The following SORL1 variants were observed in gnomAD, a reference collection of about 807,000 sequenced individuals.
The protein encoded by SORL1 is sortilin-related receptor.
In SORL1, 127 loss-of-function variants were observed where a neutral mutation model predicts 273.7. The ratio of observed to expected loss-of-function variants is 0.46; its 90% CI spans 0.40 to 0.54. SORL1 has a LOEUF of 0.54. Among genes scored for constraint, SORL1 ranks in the 20% least tolerant of loss-of-function variants. The probability of loss-of-function intolerance (pLI) is 0.00; values close to 1 mark genes in which losing one functional copy is unlikely to be tolerated. For synonymous variants in SORL1, 1,031 were observed against 1,067.4 expected, an observed-to-expected ratio of 0.97 and a Z score of 0.66; for missense variants, 2,494 against 2,846.1, an observed-to-expected ratio of 0.88 and a Z score of 2.81.
intron 1 of SORL1, among the ~76,000 whole-genome samples, chr11:121,456,545 C>T (rs1419891488): frequency 6.6e-6 from 1 of 152,202 alleles, no homozygotes; most frequent in Admixed American, 6.5e-5. Context: ...ATGCAAGCGG[C>T]ATGGCCTACA....
chr11:121,583,314 C>A, intron 25 of SORL1, 144 bp from the exon 26 acceptor site: 3 of 955,984 alleles, frequency 3.1e-6, no homozygotes, highest in South Asian at 2.3e-5. Context: ...GTGCCCAATT[C>A]TCAGCCAAGG....
At chr11:121,589,959 TGGA>T in intron 29 of SORL1, 78 bp from the exon 30 acceptor site, 1 of 1,540,686 alleles carries the variant, frequency 6.5e-7, no homozygotes, top group South Asian at 1.2e-5. Context: ...AACTTGGGTC[TGGA>T]GGAGGATGCC....
rs1209027159 is a variant in SORL1, at chr11:121,605,485, C to T, written c.4862C>T (p.Thr1621Ile). 2 of 1,614,032 alleles carry T rather than the reference C, an allele frequency of 1.2e-6. No homozygotes were observed. The highest frequency in any genetic ancestry group is 1.7e-5 in the Admixed American group (1 of 60,018). ...NTVLKVLKPD[T>I]TYQVKVQVQC... ...GTATTAAAAGTCTTGAAACCAGATACCACGTATCAGGTTAAAGTACAGGTT... is the reference window on the plus strand; with the variant it reads ...GTATTAAAAGTCTTGAAACCAGATATCACGTATCAGGTTAAAGTACAGGTT... Residue 1621 changes from threonine (T) to isoleucine (I), a missense_variant, in exon 35 of 48, where the codon ACC becomes ATC. Thr to Ile is a moderately conservative substitution (Grantham distance 89). Coordinates refer to ENST00000260197, the MANE Select transcript of SORL1 (RefSeq NM_003105.6).
chr11:121,489,070 G>A (rs1861515025), intron 4 of SORL1, among the ~76,000 whole-genome samples: 1 of 152,072 alleles, frequency 6.6e-6, no homozygotes, highest in African/African-American at 2.4e-5. Context: ...GGAAGTTGAG[G>A]GGCTTTGGCA....
rs932454692 is a variant in SORL1 at position 121,478,126 on chromosome 11, G to A, written c.411G>A (p.Val137=). ...LARPKSSDVY[V]SYDYGKSFKK... is the part of the protein sequence containing the mutation. ...TTTTCTCTGTATTCCAGGTGTACGT[G>A]TCTTACGACTATGGAAAATCATTCA... Residue 137 remains valine (V), a synonymous_variant, in exon 3 of 48, where the codon GTG becomes GTA. Coordinates refer to ENST00000260197, the MANE Select transcript of SORL1 (RefSeq NM_003105.6). The A allele has an allele frequency of 6.2e-7, 1 of 1,611,908 alleles. No individual in the cohort carries two copies. Among genetic ancestry groups the A allele is most frequent in the African/African-American group, 1.3e-5 (1 of 74,530 alleles).
intron 14 of SORL1, among the ~76,000 whole-genome samples, chr11:121,548,126 A>C (rs955938973): frequency 6.6e-6 from 1 of 152,198 alleles, no homozygotes; most frequent in Admixed American, 6.5e-5. Flanking sequence ...GTGTAGATAC[A>C]TACACACATA....
chr11:121,576,091 T>C (rs1242030011), intron 24 of SORL1, among the ~76,000 whole-genome samples: 7 of 152,236 alleles, frequency 4.6e-5, no homozygotes, highest in Non-Finnish European at 7.3e-5. Flanking sequence ...GCTTGGCTGC[T>C]CCTGTTTTCT....
Position 121,627,397 on chromosome 11 carries a change from A to G in SORL1, c.6365-158A>G. 1.6e-6 allele frequency: 1 copy of G among 639,582 alleles called. No homozygotes were observed. The highest frequency in any genetic ancestry group is 2.8e-6 in the Non-Finnish European group (1 of 359,228). 39.6% of individuals were successfully genotyped at this position (639,582 alleles called of 1,614,324 possible). A position where few individuals can be genotyped will look rare whatever the true frequency, so the allele number is the denominator to read the frequency against. On this transcript the variant is annotated intron_variant, in intron 46 of 47. Transcript: ENST00000260197. This position sits in a 1 kb window ranked among gnomAD's most constrained non-coding sequence, Gnocchi z 4.9. The stretch of plus-strand genomic sequence containing the variant: ...CATGGCAAGTAGTGGGGAAGCAATC[A>G]GGCATCACGCACATGCAGAAACGTC...
At chr11:121,539,441 T>C (rs1862312877) in intron 12 of SORL1, among the ~76,000 whole-genome samples, 1 of 152,238 alleles carries the variant, frequency 6.6e-6, no homozygotes, top group South Asian at 2.1e-4. Context: ...ATCTTTGTTC[T>C]TCATAATTCT....
chr11:121,457,977 T>C (rs1389697810), intron 1 of SORL1, among the ~76,000 whole-genome samples: 1 of 152,242 alleles, frequency 6.6e-6, no homozygotes, highest in African/African-American at 2.4e-5. Context: ...CAGATTTTGG[T>C]CTGTTCCTCC....
In SORL1 at chr11:121,631,197, T is replaced by G. The variant is rs1445865673; in HGVS notation, c.*1634T>G. On this transcript the variant is annotated 3_prime_UTR_variant, in exon 48 of 48. Coordinates refer to ENST00000260197, the MANE Select transcript of SORL1 (RefSeq NM_003105.6). ...GTTTAGAAAACAAAGAAAGAGCCAA[T>G]TAAATTTTTTAGTTTTTGAAATTTT... 6.6e-6 allele frequency: 1 copy of G among 152,246 alleles called. No homozygotes were observed. The highest frequency in any genetic ancestry group is 1.5e-5 in the Non-Finnish European group (1 of 68,054). 9.4% of individuals were successfully genotyped at this position (152,246 alleles called of 1,614,324 possible).
chr11:121,487,279 C>G (rs564657208), intron 3 of SORL1, among the ~76,000 whole-genome samples: 34 of 152,212 alleles, frequency 2.2e-4, no homozygotes, highest in African/African-American at 8.0e-4. Context: ...GCGTCTGGTC[C>G]GTGGTGGGAA....
At position 121,529,673 on chromosome 11, in the gene SORL1, C is replaced by T. The variant is rs974546102; in HGVS notation, c.1597-2791C>T. Among the ~76,000 whole-genome samples the T allele has an allele frequency of 3.9e-5, 6 of 152,090 alleles. No homozygotes were observed. The East Asian group carries it at 1.2e-3, about 29-fold the overall frequency. Reference sequence around the variant, plus strand: ...CAAGTGATCCTGCCAAATAGTTGGACTTAAAGGCACATGCCACCATGCCCA... The same window carrying T: ...CAAGTGATCCTGCCAAATAGTTGGATTTAAAGGCACATGCCACCATGCCCA... On this transcript the variant is annotated intron_variant, in intron 11 of 47. Coordinates refer to ENST00000260197, the MANE Select transcript of SORL1 (RefSeq NM_003105.6).
chr11:121,600,931 A>G (rs1863379358), intron 32 of SORL1, among the ~76,000 whole-genome samples: 1 of 152,072 alleles, frequency 6.6e-6, no homozygotes, highest in African/African-American at 2.4e-5. Flanking sequence ...GTTTTAGGGT[A>G]CATGTGCACA....
At position 121,625,282 on chromosome 11, in the gene SORL1, G is replaced by A. The variant is rs764875986; in HGVS notation, c.6364+5G>A. On this transcript the variant is annotated splice_donor_5th_base_variant and intron_variant, in intron 46 of 47. Transcript: ENST00000260197. Reference sequence around the variant, plus strand: ...TGTACGATGAGCTGGGGTCTGGTGAGTTGCGATTGCTGCCCGTTTCTGTCT... The same window carrying A: ...TGTACGATGAGCTGGGGTCTGGTGAATTGCGATTGCTGCCCGTTTCTGTCT... 1 of 1,602,332 alleles carries A rather than the reference G, an allele frequency of 6.2e-7. No individual in the cohort carries two copies. Among genetic ancestry groups the A allele is most frequent in the Non-Finnish European group, 8.5e-7 (1 of 1,173,478 alleles).
chr11:121,458,309 G>T (rs955597867), intron 1 of SORL1, among the ~76,000 whole-genome samples: 2 of 152,132 alleles, frequency 1.3e-5, no homozygotes, highest in African/African-American at 4.8e-5. Context: ...TAGAATTTGC[G>T]ACAATAATTC....
intron 45 of SORL1, among the ~76,000 whole-genome samples, chr11:121,624,695 T>A (rs1863768878): frequency 6.6e-6 from 1 of 152,206 alleles, no homozygotes. Flanking sequence ...CACTGCGACC[T>A]GGATTTATTA....
intron 12 of SORL1, among the ~76,000 whole-genome samples, chr11:121,541,857 C>G (rs534957519): frequency 2.0e-5 from 3 of 152,194 alleles, no homozygotes; most frequent in Non-Finnish European, 4.4e-5. Flanking sequence ...TACTCAAATG[C>G]TGCTTAGTTT....
Position 121,550,136 on chromosome 11 carries a change from T to G in SORL1, c.2180+48T>G, listed in dbSNP as rs1456581221. The G allele has an allele frequency of 1.3e-6, 2 of 1,590,080 alleles. No homozygotes were observed. The highest frequency in any genetic ancestry group is 1.7e-6 in the Non-Finnish European group (2 of 1,166,682). ...TGTCAGGTTCTCAGCGGTCCGCACA[T>G]GGAGCGAGAGAGCATAGAGGACCGT... On this transcript the variant is annotated intron_variant, in intron 15 of 47. Transcript: ENST00000260197. This position sits in a 1 kb window ranked among gnomAD's most constrained non-coding sequence, Gnocchi z 5.3.
Sources: gnomAD v4.1 joint callset for allele counts (sites outside exome capture counted in the v4.1 genomes callset) on GRCh38, gnomAD v4.1.1 for gene constraint, Gnocchi (gnomAD v3.1) non-coding constraint, MANE v1.5 for transcripts, NCBI Gene and HGNC (gene_info 2026-07-23, HGNC 2026-07-21) for gene names.